GLB1: variants seen among roughly 807,000 people sequenced by gnomAD.
GLB1 encodes the protein galactosidase beta 1.
In GLB1, 56 loss-of-function variants were observed where a neutral mutation model predicts 74.0. That is an observed-to-expected ratio of 0.76 (90% CI 0.61 to 0.94). The LOEUF (loss-of-function observed/expected upper bound fraction) is 0.94, where lower values mean the gene tolerates loss of function less well. GLB1 is among the 40% of genes least tolerant of loss of function. GLB1 has a pLI of 0.00. For missense variants in GLB1, 787 were observed against 845.5 expected (o/e 0.93, Z 0.86); for synonymous variants, 323 against 323.6 (o/e 1.00, Z 0.02).
At chr3:33,003,564 A>T (rs1696663360) in intron 15 of GLB1, among the ~76,000 whole-genome samples, 2 of 152,252 alleles carry the variant, frequency 1.3e-5, no homozygotes, top group Admixed American at 1.3e-4. Context: ...AACTGGAAAC[A>T]GTGAATTAGA....
intron 15 of GLB1, among the ~76,000 whole-genome samples, chr3:33,005,374 T>C (rs1307495367): frequency 6.6e-6 from 1 of 152,142 alleles, no homozygotes; most frequent in African/African-American, 2.4e-5. Flanking sequence ...GACCAGACCT[T>C]TCCCAGCAAT....
intron 12 of GLB1, among the ~76,000 whole-genome samples, chr3:33,020,880 A>C (rs567598898): frequency 6.6e-6 from 1 of 152,348 alleles, no homozygotes; most frequent in Admixed American, 6.5e-5. Context: ...TTAGAAAAAG[A>C]AAAGCAGTTG....
At chr3:33,072,427 C>G in intron 2 of GLB1, 117 bp downstream of exon 2, 1 of 1,505,714 alleles carries the variant, frequency 6.6e-7, no homozygotes, top group Non-Finnish European at 9.0e-7. Flanking sequence ...CAGAACATCA[C>G]ACTGGACCAT....
the GLB1 span, among the ~76,000 whole-genome samples, chr3:32,966,436 G>A: frequency 6.6e-6 from 1 of 152,188 alleles, no homozygotes; most frequent in Non-Finnish European, 1.5e-5. Flanking sequence ...TGGAGCAGCT[G>A]TATTTACCCA....
At chr3:33,037,091 G>A (rs1345895361) in intron 10 of GLB1, among the ~76,000 whole-genome samples, 1 of 148,494 alleles carries the variant, frequency 6.7e-6, no homozygotes, top group South Asian at 2.1e-4. Context: ...TGTCACCCAT[G>A]CTGGAGTGCA....
chr3:33,022,564 A>ATTTTTTTTTTTTTTTTTTTTTTTTT lies in GLB1; in HGVS notation c.1144-910_1144-909insAAAAAAAAAAAAAAAAAAAAAAAAA, dbSNP rs61013692. On this transcript the variant is annotated intron_variant, in intron 11 of 15. Transcript: ENST00000307363. ...TTCCATGACTATAATACTGGTTAGGATTTTTTTTTTTTTTTTTTTGAGAGA... is the reference window on the plus strand; with the variant it reads ...TTCCATGACTATAATACTGGTTAGGATTTTTTTTTTTTTTTTTTTTTTTTTTTTTTTTTTTTTTTTTTTTGAGAGA... Among the ~76,000 whole-genome samples the ATTTTTTTTTTTTTTTTTTTTTTTTT allele has an allele frequency of 3.0e-4, 19 of 63,766 alleles. 7 individuals are homozygous for ATTTTTTTTTTTTTTTTTTTTTTTTT. The highest frequency in any genetic ancestry group is 3.8e-4 in the Non-Finnish European group (13 of 34,610). 41.8% of individuals were successfully genotyped at this position (63,766 alleles called of 152,430 possible). A position where few individuals can be genotyped will look rare whatever the true frequency, so the allele number is the denominator to read the frequency against.
At chr3:32,993,696 G>A (rs1575390765), downstream of GLB1, among the ~76,000 whole-genome samples, 2 of 151,644 alleles carry the variant, frequency 1.3e-5, no homozygotes, top group Admixed American at 6.6e-5. Context: ...CACCATGCCC[G>A]GCTAATTTTT....
At chr3:32,970,282 G>C in the GLB1 span, among the ~76,000 whole-genome samples, 13,545 of 152,094 alleles carry the variant, frequency 0.089, 1,067 homozygotes, top group East Asian at 0.32. Flanking sequence ...AGAAACTCAC[G>C]GTGGAATCAA....
chr3:32,988,253 T>C, the GLB1 span, among the ~76,000 whole-genome samples: 3 of 145,354 alleles, frequency 2.1e-5, no homozygotes, highest in East Asian at 2.0e-4. Context: ...ACTTAAGTGA[T>C]AGGCTCACTG....
At chr3:32,993,123 CAT>C (rs1410006325), downstream of GLB1, among the ~76,000 whole-genome samples, 2 of 152,142 alleles carry the variant, frequency 1.3e-5, no homozygotes, top group South Asian at 2.1e-4. Context: ...ATAAAGACCA[CAT>C]GAGATCATTT....
At chr3:33,001,163 TCTC>T (rs1270416428) in intron 15 of GLB1, among the ~76,000 whole-genome samples, 2 of 151,510 alleles carry the variant, frequency 1.3e-5, no homozygotes, top group Non-Finnish European at 2.9e-5. Context: ...TCTCTTCTCT[TCTC>T]CTCTCCTCTT....
intron 1 of GLB1, among the ~76,000 whole-genome samples, chr3:33,080,830 A>AC (rs1700296616): frequency 2.0e-5 from 3 of 152,206 alleles, no homozygotes; most frequent in Admixed American, 2.0e-4. Flanking sequence ...CCAAAGTACG[A>AC]CCTTGATACC....
chr3:33,051,212 C>A (rs1235608612), intron 9 of GLB1, among the ~76,000 whole-genome samples: 1 of 119,994 alleles, frequency 8.3e-6, no homozygotes, highest in Non-Finnish European at 1.6e-5. Flanking sequence ...CCAGCCTGGG[C>A]GACAGAGCGA....
At chr3:33,047,945 A>T (rs1698807410) in intron 9 of GLB1, among the ~76,000 whole-genome samples, 1 of 151,216 alleles carries the variant, frequency 6.6e-6, no homozygotes, top group African/African-American at 2.4e-5. Flanking sequence ...CCTTCCTGTG[A>T]GACACAAAGA....
the GLB1 span, among the ~76,000 whole-genome samples, chr3:32,964,158 C>T: frequency 1.3e-5 from 2 of 152,130 alleles, no homozygotes; most frequent in African/African-American, 4.8e-5. Flanking sequence ...TCATTGGAGG[C>T]GAGCAGGCAG....
At chr3:33,092,261 T>C in intron 1 of GLB1, 1 of 985,778 alleles carries the variant, frequency 1.0e-6, no homozygotes, top group Non-Finnish European at 1.2e-6. Flanking sequence ...ATTTTGCTGA[T>C]GCCCTCAATA....
chr3:33,090,107 C>T (rs867419432), intron 1 of GLB1, among the ~76,000 whole-genome samples: 14 of 152,204 alleles, frequency 9.2e-5, no homozygotes, highest in African/African-American at 3.4e-4. Flanking sequence ...GGCTACTAGC[C>T]CCAAATCTCC....
chr3:33,088,575 G>T (rs1700625993), intron 1 of GLB1, among the ~76,000 whole-genome samples: 1 of 151,870 alleles, frequency 6.6e-6, no homozygotes, highest in South Asian at 2.1e-4. Flanking sequence ...TTAGAAATAG[G>T]CCTAACTAAG....
chr3:33,044,455 G>C (rs1698662537), intron 10 of GLB1, among the ~76,000 whole-genome samples: 2 of 151,806 alleles, frequency 1.3e-5, no homozygotes, highest in African/African-American at 4.8e-5. Context: ...AAGAAGAAAG[G>C]CTGCATTAAA....
Sources: allele counts gnomAD v4.1 joint callset (sites outside exome capture counted in the v4.1 genomes callset), GRCh38; gene constraint gnomAD v4.1.1; transcripts MANE v1.5; gene names NCBI Gene and HGNC (gene_info 2026-07-23, HGNC 2026-07-21).